Variants in CTNNA2 observed in about 807,000 individuals in gnomAD.
CTNNA2 encodes the protein catenin alpha-2.
In CTNNA2, 42 loss-of-function variants were observed where a neutral mutation model predicts 101.0. That is an observed-to-expected ratio of 0.42 (90% CI 0.32 to 0.54). CTNNA2 has a LOEUF of 0.54. Ranked by LOEUF, CTNNA2 falls within the 20% of genes least tolerant of loss-of-function variation. The pLI is 0.14. For missense variants in CTNNA2, 871 were observed against 1,223.1 expected, an observed-to-expected ratio of 0.71 and a Z score of 4.29; for synonymous variants, 450 against 456.4, an observed-to-expected ratio of 0.99 and a Z score of 0.18.
chr2:79,696,693 G>A (rs373689579), intron 2 of CTNNA2, among the ~76,000 whole-genome samples: 14 of 151,988 alleles, frequency 9.2e-5, no homozygotes, highest in South Asian at 2.1e-4. Context: ...TGGTTTTAGC[G>A]ATAGGGAATT....
intron 3 of CTNNA2, among the ~76,000 whole-genome samples, chr2:79,766,447 T>TGG (rs1188168944): frequency 6.6e-6 from 1 of 152,216 alleles, no homozygotes; most frequent in Non-Finnish European, 1.5e-5. Context: ...TTTTCTGCTT[T>TGG]TAGTATCCTT....
intron 2 of CTNNA2, among the ~76,000 whole-genome samples, chr2:79,733,091 C>G (rs1449333167): frequency 6.6e-6 from 1 of 152,136 alleles, no homozygotes; most frequent in Non-Finnish European, 1.5e-5. Context: ...TGGCACCCAG[C>G]AGTCTTCTCC....
At chr2:79,540,779 G>A (rs926182124) in intron 1 of CTNNA2, among the ~76,000 whole-genome samples, 2 of 152,134 alleles carry the variant, frequency 1.3e-5, no homozygotes, top group South Asian at 4.1e-4. Flanking sequence ...ACTTTGCTTT[G>A]TGTAGTTTTT....
intron 7 of CTNNA2, among the ~76,000 whole-genome samples, chr2:80,374,966 G>A (rs1675803683): frequency 6.6e-6 from 1 of 151,964 alleles, no homozygotes; most frequent in Non-Finnish European, 1.5e-5. Flanking sequence ...TTAGTGGAAT[G>A]ATATATCGTT....
At chr2:79,923,442 A>C (rs1686808183) in intron 7 of CTNNA2, among the ~76,000 whole-genome samples, 1 of 152,222 alleles carries the variant, frequency 6.6e-6, no homozygotes, top group African/African-American at 2.4e-5. Flanking sequence ...GTCTGCTTTT[A>C]ATAATTAATT....
chr2:79,845,071 AT>A (rs1406210347), intron 3 of CTNNA2, among the ~76,000 whole-genome samples: 1 of 149,760 alleles, frequency 6.7e-6, no homozygotes, highest in Non-Finnish European at 1.5e-5. Context: ...GTGTGTGTAT[AT>A]ATATATGTGT....
Position 80,302,968 on chromosome 2 carries a change from G to C in CTNNA2, c.1057-90243G>C, listed in dbSNP as rs1189785445. 1.2e-6 allele frequency: 2 copies of C among 1,613,870 alleles called. No homozygotes were observed. Among genetic ancestry groups the C allele is most frequent in the South Asian group, 2.2e-5 (2 of 91,050 alleles). ...TGAGGCGGTTGGAGTCCAGCTGCAG[G>C]GACTGCAGGTGCGGCACGGTCTCGA... On this transcript the variant is annotated intron_variant, in intron 7 of 18. Coordinates refer to ENST00000402739, the MANE Select transcript of CTNNA2 (RefSeq NM_001282597.3). The surrounding 1 kb of genome is among the most constrained non-coding windows in gnomAD (Gnocchi z 6.4).
rs1365985944 is a variant in CTNNA2 at position 80,351,639 on chromosome 2, G to T, written c.1057-41572G>T. On this transcript the variant is annotated intron_variant, in intron 7 of 18. Coordinates refer to ENST00000402739, the MANE Select transcript of CTNNA2 (RefSeq NM_001282597.3). ...AATTTAATTTGCTTTAACATGCATGGGGGGTAAGCAGAGGGGCGTTAATTT... is the reference window on the plus strand; with the variant it reads ...AATTTAATTTGCTTTAACATGCATGTGGGGTAAGCAGAGGGGCGTTAATTT... Among the ~76,000 whole-genome samples the T allele has an allele frequency of 5.3e-5, 8 of 152,064 alleles. No homozygotes were observed. The East Asian group carries it at 1.5e-3, about 29-fold the overall frequency.
intron 7 of CTNNA2, among the ~76,000 whole-genome samples, chr2:80,325,911 A>C (rs1406118651): frequency 2.6e-5 from 4 of 152,216 alleles, no homozygotes; most frequent in Non-Finnish European, 5.9e-5. Flanking sequence ...GTTTATGGTT[A>C]CATTGGTAGC....
intron 7 of CTNNA2, among the ~76,000 whole-genome samples, chr2:80,316,607 A>C (rs947996619): frequency 6.6e-6 from 1 of 152,200 alleles, no homozygotes; most frequent in African/African-American, 2.4e-5. Context: ...CTGAACAGAG[A>C]GAGAGAGGAA....
At chr2:79,689,003 G>A (rs1684116768) in intron 2 of CTNNA2, among the ~76,000 whole-genome samples, 1 of 151,774 alleles carries the variant, frequency 6.6e-6, no homozygotes, top group African/African-American at 2.4e-5. Flanking sequence ...TCATCTGGAG[G>A]GGTATTCATT....
chr2:80,642,437 G>T (rs1374297594), intron 18 of CTNNA2, among the ~76,000 whole-genome samples: 1 of 152,058 alleles, frequency 6.6e-6, no homozygotes, highest in African/African-American at 2.4e-5. Context: ...ATGTCTATTT[G>T]TGTTTCTATA....
intron 7 of CTNNA2, among the ~76,000 whole-genome samples, chr2:80,285,002 G>T (rs921923511): frequency 2.0e-5 from 3 of 152,092 alleles, no homozygotes; most frequent in African/African-American, 7.2e-5. Flanking sequence ...GAATCAGGAA[G>T]GTTGTCTGTA....
chr2:80,132,215 A>G (rs895910948), intron 7 of CTNNA2, among the ~76,000 whole-genome samples: 8 of 152,138 alleles, frequency 5.3e-5, no homozygotes, highest in African/African-American at 1.9e-4. Flanking sequence ...GGAGGAGAAG[A>G]GTAGACACAT....
intron 3 of CTNNA2, among the ~76,000 whole-genome samples, chr2:79,323,930 A>G (rs546417319): frequency 1.3e-5 from 2 of 152,354 alleles, no homozygotes; most frequent in South Asian, 2.1e-4. Context: ...AAAAATCAGC[A>G]TTTAAGAAGG....
chr2:79,805,873 G>A (rs975742439), intron 3 of CTNNA2, among the ~76,000 whole-genome samples: 3 of 151,848 alleles, frequency 2.0e-5, no homozygotes, highest in Non-Finnish European at 4.4e-5. Flanking sequence ...GGGAGGCGGA[G>A]CTTGCAGTGA....
intron 8 of CTNNA2, among the ~76,000 whole-genome samples, chr2:80,407,396 A>G (rs1040731539): frequency 1.3e-5 from 2 of 152,348 alleles, no homozygotes; most frequent in East Asian, 3.9e-4. Flanking sequence ...ATATAAGACT[A>G]AAATCCACTG....
intron 7 of CTNNA2, among the ~76,000 whole-genome samples, chr2:79,918,983 G>A (rs150823002): frequency 9.1e-4 from 138 of 152,306 alleles, no homozygotes; most frequent in African/African-American, 3.2e-3. Flanking sequence ...GGAGCAGGAG[G>A]CTGTCAGCAC....
At chr2:80,006,898 C>T (rs1037303153) in intron 7 of CTNNA2, among the ~76,000 whole-genome samples, 1 of 152,188 alleles carries the variant, frequency 6.6e-6, no homozygotes, top group Non-Finnish European at 1.5e-5. Context: ...GAGTTGAGAA[C>T]TTACCCTCCC....
Sources: gnomAD v4.1 joint callset for allele counts (sites outside exome capture counted in the v4.1 genomes callset) on GRCh38, gnomAD v4.1.1 for gene constraint, Gnocchi (gnomAD v3.1) non-coding constraint, MANE v1.5 for transcripts, NCBI Gene and HGNC (gene_info 2026-07-23, HGNC 2026-07-21) for gene names.